The following SH3GL2 variants were observed in gnomAD, a reference collection of about 807,000 sequenced individuals.
SH3GL2 encodes the protein endophilin-A1.
Under a neutral mutation model 46.0 loss-of-function variants are expected in SH3GL2, and 24 were observed. The observed-to-expected ratio is 0.52, with a 90% CI of 0.38 to 0.73. The LOEUF is 0.73. Ranked by LOEUF, SH3GL2 falls within the 30% of genes least tolerant of loss-of-function variation. The pLI, the probability that SH3GL2 is intolerant of heterozygous loss-of-function variation, is 0.00. For missense variants in SH3GL2, 413 were observed against 424.2 expected (o/e 0.97, Z 0.23); for synonymous variants, 196 against 147.1 (o/e 1.33, Z -2.40).
chr9:17,757,693 A>C (rs1823038836), intron 2 of SH3GL2, among the ~76,000 whole-genome samples: 1 of 152,220 alleles, frequency 6.6e-6, no homozygotes, highest in African/African-American at 2.4e-5. Context: ...ACATGTCATA[A>C]GTTCAAAGTT....
chr9:17,789,520 G>A lies in SH3GL2; in HGVS notation c.594G>A (p.Glu198=), dbSNP rs768687387. 6.2e-7 allele frequency: 1 copy of A among 1,613,448 alleles called. No homozygotes were observed. Residue 198 remains glutamate, a synonymous_variant, in exon 6 of 9, where the codon GAG becomes GAA. Transcript: ENST00000380607. ...EKFDESKEIA[E]SSMFNLLEMD... ...TTGATGAGTCTAAGGAAATTGCTGA[G>A]TCAAGCATGTTCAATCTCTTGGAGA...
At chr9:17,719,615 C>T (rs544486908) in intron 1 of SH3GL2, among the ~76,000 whole-genome samples, 1 of 151,926 alleles carries the variant, frequency 6.6e-6, no homozygotes, top group Non-Finnish European at 1.5e-5. Context: ...CATAACAAGA[C>T]CCTGTCTCTA....
At chr9:17,722,940 C>G (rs1228402831) in intron 1 of SH3GL2, among the ~76,000 whole-genome samples, 2 of 152,138 alleles carry the variant, frequency 1.3e-5, no homozygotes, top group South Asian at 2.1e-4. Context: ...CTGATCCTTT[C>G]TCTCACAGAT....
chr9:17,754,970 G>A (rs913698304), intron 2 of SH3GL2, among the ~76,000 whole-genome samples: 1 of 152,052 alleles, frequency 6.6e-6, no homozygotes, highest in Non-Finnish European at 1.5e-5. Context: ...ACTTGGATGT[G>A]CTTTATTTCT....
At chr9:17,644,113 A>T (rs900665275) in intron 1 of SH3GL2, among the ~76,000 whole-genome samples, 1 of 152,000 alleles carries the variant, frequency 6.6e-6, no homozygotes. Context: ...TTTCTAGTTT[A>T]TTTGCATAGA....
At chr9:17,614,016 CCTT>C (rs202197836) in intron 1 of SH3GL2, among the ~76,000 whole-genome samples, 2,482 of 152,156 alleles carry the variant, frequency 0.016, 37 homozygotes, top group Middle Eastern at 0.027. Context: ...GTCTCCTTCT[CCTT>C]CTTTGGCGGG....
intron 1 of SH3GL2, among the ~76,000 whole-genome samples, chr9:17,686,818 C>A (rs961201032): frequency 6.8e-6 from 1 of 147,542 alleles, no homozygotes; most frequent in Admixed American, 6.8e-5. Flanking sequence ...AGGGTTAGCA[C>A]TGGGAGATAT....
chr9:17,759,175 C>T lies in SH3GL2; in HGVS notation c.115-2262C>T, dbSNP rs58953394. Among the ~76,000 whole-genome samples, 432 of 152,306 alleles carry T rather than the reference C, an allele frequency of 2.8e-3. 1 individual carries two copies. Among genetic ancestry groups the T allele is most frequent in the African/African-American group, 9.9e-3 (410 of 41,568 alleles). ...TGGGATAGACACTGCAGGTACCAGT[C>T]TCTGTAGGGAAACCCGTGAAACTGA... On this transcript the variant is annotated intron_variant, in intron 2 of 8. Transcript: ENST00000380607.
intron 1 of SH3GL2, among the ~76,000 whole-genome samples, chr9:17,655,811 C>T (rs1445726113): frequency 6.6e-6 from 1 of 152,120 alleles, no homozygotes; most frequent in East Asian, 1.9e-4. Flanking sequence ...TGAGGGTTAC[C>T]CTACTCATCC....
intron 1 of SH3GL2, among the ~76,000 whole-genome samples, chr9:17,629,553 A>G (rs1819371442): frequency 6.6e-6 from 1 of 152,188 alleles, no homozygotes; most frequent in South Asian, 2.1e-4. Context: ...ATACTTCTGG[A>G]TACAGCTCTG....
At chr9:17,707,724 G>C (rs1014627403) in intron 1 of SH3GL2, among the ~76,000 whole-genome samples, 4 of 152,020 alleles carry the variant, frequency 2.6e-5, no homozygotes, top group South Asian at 2.1e-4. Flanking sequence ...ATTGATACCA[G>C]ACACTTTACA....
intron 3 of SH3GL2, among the ~76,000 whole-genome samples, chr9:17,776,035 C>T (rs1823632696): frequency 6.6e-6 from 1 of 152,134 alleles, no homozygotes. Flanking sequence ...AAAGGTCTTT[C>T]CCAAAATACT....
intron 2 of SH3GL2, among the ~76,000 whole-genome samples, chr9:17,759,963 C>T (rs1010461013): frequency 6.6e-5 from 10 of 152,148 alleles, no homozygotes; most frequent in African/African-American, 2.4e-4. Context: ...CACCTTTGAT[C>T]CATTTCCCTG....
chr9:17,728,325 C>T (rs1822076350), intron 1 of SH3GL2, among the ~76,000 whole-genome samples: 1 of 152,036 alleles, frequency 6.6e-6, no homozygotes, highest in African/African-American at 2.4e-5. Context: ...AGTACCACAG[C>T]AATTAAATCA....
rs936457286 is a variant in SH3GL2, at chr9:17,796,411, C to T, written c.*668C>T. ...AATTCCAAATTATTTTTCAGTAAGA[C>T]AGTTAATCAGCATTATTGTGAGAGG... is the stretch of plus-strand genomic sequence containing the variant. On this transcript the variant is annotated 3_prime_UTR_variant, in exon 9 of 9. Transcript: ENST00000380607. 1 of 152,304 alleles carries T rather than the reference C, an allele frequency of 6.6e-6. No individual in the cohort carries two copies. The highest frequency in any genetic ancestry group is 2.4e-5 in the African/African-American group (1 of 41,434). The allele number at this position is 152,304 out of a possible 1,614,324, so 9.4% of individuals were successfully genotyped here.
chr9:17,695,422 G>A (rs1363083693), intron 1 of SH3GL2, among the ~76,000 whole-genome samples: 1 of 152,076 alleles, frequency 6.6e-6, no homozygotes, highest in Non-Finnish European at 1.5e-5. Flanking sequence ...ACTTCACGTA[G>A]CTTCTCTGCT....
At chr9:17,613,867 C>A (rs914182240) in intron 1 of SH3GL2, among the ~76,000 whole-genome samples, 1 of 152,172 alleles carries the variant, frequency 6.6e-6, no homozygotes, top group Non-Finnish European at 1.5e-5. Context: ...TCCCTCCTGG[C>A]TGACTAAGCT....
chr9:17,692,830 C>G (rs1467247445), intron 1 of SH3GL2, among the ~76,000 whole-genome samples: 1 of 151,968 alleles, frequency 6.6e-6, no homozygotes, highest in Admixed American at 6.6e-5. Context: ...TGGGGAGGCC[C>G]CAGAATCATG....
chr9:17,615,682 A>T (rs2134589862), intron 1 of SH3GL2, among the ~76,000 whole-genome samples: 1 of 145,856 alleles, frequency 6.9e-6, no homozygotes, highest in East Asian at 2.0e-4. Flanking sequence ...AAAAAAAAAA[A>T]AATTCCCCTC....
Sources: allele counts gnomAD v4.1 joint callset (sites outside exome capture counted in the v4.1 genomes callset), GRCh38; gene constraint gnomAD v4.1.1; transcripts MANE v1.5; gene names NCBI Gene and HGNC (gene_info 2026-07-23, HGNC 2026-07-21).